The following GPHN variants were observed in gnomAD, a reference collection of about 807,000 sequenced individuals.
GPHN encodes gephyrin.
A neutral mutation model predicts 95.5 loss-of-function variants in GPHN; 17 were observed. That is an observed-to-expected ratio of 0.18 (90% CI 0.12 to 0.27). The LOEUF is 0.27. Ranked by LOEUF, GPHN falls within the 10% of genes least tolerant of loss-of-function variation. GPHN has a pLI of 1.00. For missense variants in GPHN, 660 were observed against 978.1 expected, an observed-to-expected ratio of 0.67 and a Z score of 4.34; for synonymous variants, 320 against 322.5, an observed-to-expected ratio of 0.99 and a Z score of 0.08.
chr14:66,814,482 A>AC (rs1230348702), intron 3 of GPHN, among the ~76,000 whole-genome samples: 2 of 152,226 alleles, frequency 1.3e-5, no homozygotes, highest in Non-Finnish European at 2.9e-5. Flanking sequence ...AAGAGGTCAA[A>AC]CTGGGGCCCA....
chr14:67,526,815 G>A, the GPHN span, among the ~76,000 whole-genome samples: 2 of 151,978 alleles, frequency 1.3e-5, no homozygotes, highest in African/African-American at 4.8e-5. Flanking sequence ...CATGTCCAGG[G>A]CTTCCATACT....
At chr14:66,586,506 G>A (rs1366714144) in intron 1 of GPHN, among the ~76,000 whole-genome samples, 2 of 152,180 alleles carry the variant, frequency 1.3e-5, no homozygotes, top group Admixed American at 1.3e-4. Flanking sequence ...AGTTTGGCAT[G>A]TGTTTGCAGT....
chr14:66,948,412 A>G lies in GPHN; in HGVS notation c.829-16779A>G, dbSNP rs183638605. Among the ~76,000 whole-genome samples the G allele has an allele frequency of 3.0e-3, 455 of 151,938 alleles. 3 individuals carry two copies. The highest frequency in any genetic ancestry group is 0.011 in the African/African-American group (437 of 41,268). ...TTTTCATTATAAATATGAATCATGA[A>G]TTTTTGTAGATTTTTGTATTATGAA... On this transcript the variant is annotated intron_variant, in intron 8 of 22. Transcript: ENST00000478722.
intron 9 of GPHN, among the ~76,000 whole-genome samples, chr14:67,008,631 G>A (rs995131556): frequency 2.0e-5 from 3 of 151,668 alleles, no homozygotes; most frequent in Non-Finnish European, 2.9e-5. Context: ...TGCAACCTCC[G>A]CCTTCTGGGC....
chr14:66,663,322 C>T (rs2065764628), intron 1 of GPHN, among the ~76,000 whole-genome samples: 1 of 152,152 alleles, frequency 6.6e-6, no homozygotes. Context: ...GGCCAATATT[C>T]AACATGCTGA....
the GPHN span, chr14:67,722,520 C>T: frequency 6.6e-5 from 55 of 827,202 alleles, no homozygotes; most frequent in Admixed American, 5.6e-4. Flanking sequence ...GCACCCAGGA[C>T]GGAGAGGAGC....
intron 9 of GPHN, among the ~76,000 whole-genome samples, chr14:66,996,888 G>T (rs868179505): frequency 6.6e-6 from 1 of 151,262 alleles, no homozygotes. Context: ...CTTTTAGGAG[G>T]TTTAATTTTT....
chr14:66,891,750 C>A (rs1371085550), intron 5 of GPHN, among the ~76,000 whole-genome samples: 1 of 149,992 alleles, frequency 6.7e-6, no homozygotes, highest in African/African-American at 2.4e-5. Context: ...TATTAATATT[C>A]TATATATATA....
chr14:67,227,391 G>A, the GPHN span: 1 of 146,480 alleles, frequency 6.8e-6, no homozygotes, highest in Non-Finnish European at 1.5e-5. Flanking sequence ...ACTGAGCCGA[G>A]ATCGCACCAC....
intron 3 of GPHN, among the ~76,000 whole-genome samples, chr14:66,821,324 A>G (rs1291340945): frequency 2.0e-5 from 3 of 152,232 alleles, no homozygotes; most frequent in Non-Finnish European, 4.4e-5. Context: ...ATGTATACAT[A>G]TATCACCTTG....
At chr14:66,727,298 T>C (rs1206979088) in intron 2 of GPHN, among the ~76,000 whole-genome samples, 3 of 152,218 alleles carry the variant, frequency 2.0e-5, no homozygotes, top group African/African-American at 7.2e-5. Flanking sequence ...AGGTATGTCT[T>C]TATCAACAGC....
chr14:66,994,291 A>T (rs1234289693), intron 9 of GPHN, among the ~76,000 whole-genome samples: 1 of 152,060 alleles, frequency 6.6e-6, no homozygotes, highest in Non-Finnish European at 1.5e-5. Flanking sequence ...GCTTGAACCC[A>T]GGAGGCGGAA....
intron 3 of GPHN, among the ~76,000 whole-genome samples, chr14:66,780,262 G>A (rs2059557899): frequency 6.6e-6 from 1 of 152,126 alleles, no homozygotes; most frequent in Admixed American, 6.5e-5. Flanking sequence ...GAATAAATCA[G>A]CCTGGAACTC....
the GPHN span, among the ~76,000 whole-genome samples, chr14:67,664,254 TC>T: frequency 1.3e-5 from 2 of 152,200 alleles, no homozygotes. Context: ...AACTTGTTTA[TC>T]CTCTCAAACT....
intron 14 of GPHN, among the ~76,000 whole-genome samples, chr14:67,111,164 A>T (rs1378165429): frequency 6.6e-6 from 1 of 152,210 alleles, no homozygotes; most frequent in African/African-American, 2.4e-5. Flanking sequence ...TCACCTTTCC[A>T]TATGTAAGGC....
At chr14:66,629,088 T>TATATATATAAATATATATTTATATAC (rs2063633971) in intron 1 of GPHN, among the ~76,000 whole-genome samples, 3 of 138,272 alleles carry the variant, frequency 2.2e-5, no homozygotes, top group African/African-American at 5.4e-5. Context: ...TACATATATA[T>TATATATATAAATATATATTTATATAC]ATATATAAAT....
At chr14:67,694,439 T>C in the GPHN span, among the ~76,000 whole-genome samples, 1 of 138,208 alleles carries the variant, frequency 7.2e-6, no homozygotes, top group African/African-American at 2.6e-5. Context: ...GGAATATATA[T>C]ATATATATAT....
At chr14:66,694,234 C>T (rs1449698986) in intron 2 of GPHN, among the ~76,000 whole-genome samples, 3 of 152,074 alleles carry the variant, frequency 2.0e-5, no homozygotes, top group Non-Finnish European at 1.5e-5. Flanking sequence ...TTTCCCCTAC[C>T]ACCATATGCG....
At chr14:66,753,725 A>G (rs1004179441) in intron 2 of GPHN, among the ~76,000 whole-genome samples, 2 of 152,122 alleles carry the variant, frequency 1.3e-5, no homozygotes, top group East Asian at 1.9e-4. Context: ...TATACCTTAT[A>G]TATCATAAAA....
Sources: allele counts gnomAD v4.1 joint callset (sites outside exome capture counted in the v4.1 genomes callset), GRCh38; gene constraint gnomAD v4.1.1; transcripts MANE v1.5; gene names NCBI Gene and HGNC (gene_info 2026-07-23, HGNC 2026-07-21).